ZNF521: variants seen among roughly 807,000 people sequenced by gnomAD.
The protein encoded by ZNF521 is zinc finger protein 521, also known as LYST-interacting protein 3.
A neutral mutation model predicts 105.5 loss-of-function variants in ZNF521; 14 were observed. The observed-to-expected ratio is 0.13, with a 90% CI of 0.09 to 0.21. ZNF521 has a LOEUF of 0.21. Ranked by LOEUF, ZNF521 falls within the 10% of genes least tolerant of loss-of-function variation. ZNF521 has a pLI of 1.00. For missense variants in ZNF521, 1,233 were observed against 1,629.7 expected (o/e 0.76, Z 4.19); for synonymous variants, 635 against 606.0 (o/e 1.05, Z -0.70).
chr18:25,158,635 A>C (rs1379331734), intron 5 of ZNF521, among the ~76,000 whole-genome samples: 1 of 152,080 alleles, frequency 6.6e-6, no homozygotes, highest in East Asian at 1.9e-4. Context: ...AGGAAGAAGA[A>C]AAGGAAATGA....
intron 3 of ZNF521, among the ~76,000 whole-genome samples, chr18:25,284,740 CAA>C (rs1436920077): frequency 6.6e-6 from 1 of 151,896 alleles, no homozygotes; most frequent in Non-Finnish European, 1.5e-5. Context: ...GAAATATTTC[CAA>C]GTAACTGAGA....
chr18:25,183,841 T>C (rs1779017607), intron 5 of ZNF521, among the ~76,000 whole-genome samples: 1 of 152,118 alleles, frequency 6.6e-6, no homozygotes, highest in Non-Finnish European at 1.5e-5. Flanking sequence ...AGTGTAGAAA[T>C]GACTGAAAAC....
chr18:25,304,222 A>G (rs1911838081), intron 3 of ZNF521, among the ~76,000 whole-genome samples: 1 of 152,236 alleles, frequency 6.6e-6, no homozygotes, highest in African/African-American at 2.4e-5. Flanking sequence ...GCTACTATCA[A>G]ATACAGTCTC....
chr18:25,084,541 A>T (rs1203751649), intron 7 of ZNF521, among the ~76,000 whole-genome samples: 1 of 152,028 alleles, frequency 6.6e-6, no homozygotes, highest in Non-Finnish European at 1.5e-5. Context: ...TCAAATGTCA[A>T]ATTACTACTG....
At chr18:25,338,867 G>C (rs1360859460) in intron 2 of ZNF521, among the ~76,000 whole-genome samples, 1 of 152,166 alleles carries the variant, frequency 6.6e-6, no homozygotes, top group Non-Finnish European at 1.5e-5. Context: ...TTCCTAAATA[G>C]CTAAGACATA....
At chr18:25,258,071 A>G (rs1044543608) in intron 3 of ZNF521, among the ~76,000 whole-genome samples, 15 of 152,176 alleles carry the variant, frequency 9.9e-5, no homozygotes, top group African/African-American at 3.6e-4. Context: ...TGTATAGGCT[A>G]TAGATTAAAT....
chr18:25,212,231 G>T (rs912324375), intron 4 of ZNF521, among the ~76,000 whole-genome samples: 1 of 151,748 alleles, frequency 6.6e-6, no homozygotes, highest in Middle Eastern at 3.4e-3. Flanking sequence ...TATTTTAATG[G>T]CCGGGCATGG....
intron 4 of ZNF521, chr18:25,201,601 A>T (rs549989286): frequency 6.6e-6 from 1 of 152,312 alleles, no homozygotes; most frequent in South Asian, 2.1e-4. Context: ...AAAGTTACAG[A>T]GCCATTTTTC....
intron 3 of ZNF521, among the ~76,000 whole-genome samples, chr18:25,309,292 T>C (rs960128077): frequency 6.6e-6 from 1 of 152,142 alleles, no homozygotes; most frequent in African/African-American, 2.4e-5. Flanking sequence ...AAGGTGATGG[T>C]AAGAAATGAT....
chr18:25,113,908 T>C (rs2034251613), intron 5 of ZNF521, among the ~76,000 whole-genome samples: 1 of 151,994 alleles, frequency 6.6e-6, no homozygotes, highest in Admixed American at 6.6e-5. Context: ...CAGTACAATT[T>C]CCTAAAAAGA....
intron 7 of ZNF521, among the ~76,000 whole-genome samples, chr18:25,085,653 A>ATGTG (rs10569576): frequency 0.031 from 4,519 of 144,316 alleles, 102 homozygotes; most frequent in Middle Eastern, 0.099. Context: ...CCATATATAT[A>ATGTG]TGTGTGTGTG....
At chr18:25,204,518 T>C (rs1248960368) in intron 4 of ZNF521, among the ~76,000 whole-genome samples, 6 of 152,142 alleles carry the variant, frequency 3.9e-5, no homozygotes, top group African/African-American at 1.4e-4. Context: ...ATTTACTACC[T>C]TGAAGTTTAG....
Position 25,278,056 on chromosome 18 carries a change from T to C in ZNF521, c.220+43952A>G, listed in dbSNP as rs1379271511. Among the ~76,000 whole-genome samples, 3 of 152,158 alleles carry C rather than the reference T, an allele frequency of 2.0e-5. No individual in the cohort carries two copies. In the East Asian group the frequency reaches 5.8e-4, roughly 29 times the overall value. Reference sequence around the variant, plus strand: ...AAAATGTACTTCCTTACCTCCATCATTTGGAAAATGACACCTTTTAAGTCA... The same window carrying C: ...AAAATGTACTTCCTTACCTCCATCACTTGGAAAATGACACCTTTTAAGTCA... On this transcript the variant is annotated intron_variant, in intron 3 of 7. Coordinates refer to ENST00000361524, the MANE Select transcript of ZNF521 (RefSeq NM_015461.3).
At chr18:25,131,028 ATGGT>A (rs2034632725) in intron 5 of ZNF521, among the ~76,000 whole-genome samples, 1 of 152,088 alleles carries the variant, frequency 6.6e-6, no homozygotes, top group Non-Finnish European at 1.5e-5. Flanking sequence ...GAGAGTCTCC[ATGGT>A]ATACTTATGT....
chr18:25,283,139 G>A (rs1910484510), intron 3 of ZNF521, among the ~76,000 whole-genome samples: 1 of 152,194 alleles, frequency 6.6e-6, no homozygotes, highest in African/African-American at 2.4e-5. Context: ...GTGTTGGCAT[G>A]AGCCTCTAAC....
intron 3 of ZNF521, among the ~76,000 whole-genome samples, chr18:25,293,001 G>C (rs563655909): frequency 1.3e-5 from 2 of 152,196 alleles, no homozygotes; most frequent in African/African-American, 4.8e-5. Flanking sequence ...TGTATATAAT[G>C]ATCTCCAAGG....
At chr18:25,259,590 G>T (rs1231231313) in intron 3 of ZNF521, among the ~76,000 whole-genome samples, 3 of 152,154 alleles carry the variant, frequency 2.0e-5, no homozygotes, top group Admixed American at 1.3e-4. Context: ...ACAGCAACAG[G>T]AGGGTGGAGT....
At chr18:25,311,790 TTA>T (rs1367415557) in intron 3 of ZNF521, among the ~76,000 whole-genome samples, 1 of 152,196 alleles carries the variant, frequency 6.6e-6, no homozygotes, top group Non-Finnish European at 1.5e-5. Context: ...AGTTAGATCA[TTA>T]TATATTCATT....
At chr18:25,103,884 T>C (rs1339519135) in intron 5 of ZNF521, among the ~76,000 whole-genome samples, 3 of 152,080 alleles carry the variant, frequency 2.0e-5, no homozygotes, top group Non-Finnish European at 2.9e-5. Context: ...GAAAGATTTC[T>C]TTCTCATTTC....
Sources: allele counts gnomAD v4.1 joint callset (sites outside exome capture counted in the v4.1 genomes callset), GRCh38; gene constraint gnomAD v4.1.1; transcripts MANE v1.5; gene names NCBI Gene and HGNC (gene_info 2026-07-23, HGNC 2026-07-21).